Variants in REDIC1 observed in about 807,000 individuals in gnomAD.
REDIC1 encodes the protein HEI10 Interacting Protein 1.
At chr12:39,885,957 C>A in the REDIC1 span, among the ~76,000 whole-genome samples, 3 of 152,158 alleles carry the variant, frequency 2.0e-5, no homozygotes, top group African/African-American at 7.2e-5. Context: ...CACTCCAGAG[C>A]AAATGTTTTG....
the REDIC1 span, among the ~76,000 whole-genome samples, chr12:39,880,769 C>G: frequency 6.6e-6 from 1 of 152,202 alleles, no homozygotes; most frequent in Admixed American, 6.5e-5. Flanking sequence ...GGCTTCATAC[C>G]TCTGGCGGCC....
chr12:39,792,946 A>T, the REDIC1 span, among the ~76,000 whole-genome samples: 1 of 152,124 alleles, frequency 6.6e-6, no homozygotes, highest in African/African-American at 2.4e-5. Flanking sequence ...AAAGTTATGA[A>T]CTTTAAGTAG....
chr12:39,737,864 C>T, the REDIC1 span, among the ~76,000 whole-genome samples: 1 of 152,130 alleles, frequency 6.6e-6, no homozygotes, highest in African/African-American at 2.4e-5. Context: ...CCTTGCTTGT[C>T]CCTGATTTGT....
the REDIC1 span, among the ~76,000 whole-genome samples, chr12:39,866,999 C>T: frequency 3.3e-5 from 5 of 152,042 alleles, no homozygotes; most frequent in Non-Finnish European, 5.9e-5. Flanking sequence ...AAATTCAAAC[C>T]AGAACTAGGA....
At chr12:39,818,307 A>T in the REDIC1 span, among the ~76,000 whole-genome samples, 1 of 100,324 alleles carries the variant, frequency 1.0e-5, no homozygotes, top group African/African-American at 4.6e-5. Context: ...GGAGGGGGAG[A>T]AGACATTAAA....
the REDIC1 span, chr12:39,682,945 G>C: frequency 6.2e-7 from 1 of 1,613,400 alleles, no homozygotes; most frequent in Non-Finnish European, 8.5e-7. Flanking sequence ...TAAAAACCAT[G>C]TCACTGACAG....
At chr12:39,808,596 A>G in the REDIC1 span, among the ~76,000 whole-genome samples, 2 of 152,116 alleles carry the variant, frequency 1.3e-5, no homozygotes, top group African/African-American at 4.8e-5. Context: ...AACACTTGAT[A>G]TTTTGACTTT....
At chr12:39,812,747 C>A in the REDIC1 span, among the ~76,000 whole-genome samples, 6 of 150,700 alleles carry the variant, frequency 4.0e-5, no homozygotes, top group Admixed American at 4.0e-4. Context: ...GCTGGGATTA[C>A]GGGCGTGAGT....
the REDIC1 span, among the ~76,000 whole-genome samples, chr12:39,689,114 A>T: frequency 2.4e-3 from 372 of 152,286 alleles, 1 homozygote; most frequent in African/African-American, 8.1e-3. Flanking sequence ...CGGAGAAGTG[A>T]TGTGCATCAT....
At chr12:39,814,779 A>G in the REDIC1 span, among the ~76,000 whole-genome samples, 1 of 151,994 alleles carries the variant, frequency 6.6e-6, no homozygotes, top group Non-Finnish European at 1.5e-5. Context: ...TTTGCCAATT[A>G]TGCATATGTC....
At chr12:39,835,280 T>C in the REDIC1 span, among the ~76,000 whole-genome samples, 1 of 152,022 alleles carries the variant, frequency 6.6e-6, no homozygotes, top group African/African-American at 2.4e-5. Flanking sequence ...TCTAAGATTG[T>C]ACATGAAAGA....
the REDIC1 span, among the ~76,000 whole-genome samples, chr12:39,697,194 C>T: frequency 2.4e-4 from 37 of 152,106 alleles, no homozygotes; most frequent in Admixed American, 6.6e-5. Context: ...CCTTACAAGC[C>T]GAGAGAGTGG....
At chr12:39,798,458 A>G in the REDIC1 span, among the ~76,000 whole-genome samples, 1 of 152,266 alleles carries the variant, frequency 6.6e-6, no homozygotes, top group South Asian at 2.1e-4. Context: ...ACTGAAAGCA[A>G]AAGGAGATAC....
At chr12:39,712,994 CGTGTATATGTATATATACATGTGT>C in the REDIC1 span, among the ~76,000 whole-genome samples, 1 of 134,150 alleles carries the variant, frequency 7.5e-6, no homozygotes, top group South Asian at 2.3e-4. Flanking sequence ...TGTGTATATA[CGTGTATATGTATATATACATGTGT>C]ATATACGTGT....
At chr12:39,891,862 A>AT in the REDIC1 span, among the ~76,000 whole-genome samples, 2 of 152,170 alleles carry the variant, frequency 1.3e-5, no homozygotes, top group Non-Finnish European at 2.9e-5. Flanking sequence ...TGAAATAACA[A>AT]TTTTTTAAAG....
At chr12:39,876,098 C>A in the REDIC1 span, among the ~76,000 whole-genome samples, 1 of 152,126 alleles carries the variant, frequency 6.6e-6, no homozygotes, top group Non-Finnish European at 1.5e-5. Context: ...ATTCCCTGGG[C>A]CAACTTTGGT....
the REDIC1 span, chr12:39,716,772 G>C: frequency 6.2e-7 from 1 of 1,602,886 alleles, no homozygotes; most frequent in Non-Finnish European, 8.5e-7. Flanking sequence ...ATTCTGCACA[G>C]AGTAGTCGGT....
chr12:39,778,649 C>A, the REDIC1 span, among the ~76,000 whole-genome samples: 5 of 151,990 alleles, frequency 3.3e-5, no homozygotes, highest in Admixed American at 1.3e-4. Context: ...CAGTGGCAAC[C>A]AGTAAAATAG....
At chr12:39,826,411 T>C in the REDIC1 span, among the ~76,000 whole-genome samples, 1 of 151,756 alleles carries the variant, frequency 6.6e-6, no homozygotes, top group East Asian at 1.9e-4. Flanking sequence ...AATTGGTTTA[T>C]TTTTTATTGT....
Sources: allele counts gnomAD v4.1 joint callset (sites outside exome capture counted in the v4.1 genomes callset), GRCh38; gene constraint gnomAD v4.1.1; transcripts MANE v1.5; gene names NCBI Gene and HGNC (gene_info 2026-07-23, HGNC 2026-07-21).